Variants in FER observed in about 807,000 individuals in gnomAD.
FER encodes tyrosine-protein kinase Fer.
FER carries 63 observed loss-of-function variants against 111.0 expected under a neutral mutation model. The ratio of observed to expected loss-of-function variants is 0.57; its 90% confidence interval spans 0.46 to 0.70. FER has a LOEUF of 0.70. Among genes scored for constraint, FER ranks in the 30% least tolerant of loss-of-function variants. FER has a pLI of 0.00. For missense variants in FER, 914 were observed against 954.0 expected, an observed-to-expected ratio of 0.96 and a Z score of 0.55; for synonymous variants, 327 against 313.9, an observed-to-expected ratio of 1.04 and a Z score of -0.44.
At chr5:108,943,701 T>A (rs769634411) in intron 10 of FER, among the ~76,000 whole-genome samples, 1 of 151,986 alleles carries the variant, frequency 6.6e-6, no homozygotes, top group African/African-American at 2.4e-5. Flanking sequence ...AATTTAGGTA[T>A]TTTTTTAATA....
intron 8 of FER, among the ~76,000 whole-genome samples, chr5:108,875,215 T>G (rs1433930082): frequency 2.0e-5 from 3 of 152,140 alleles, no homozygotes; most frequent in African/African-American, 7.2e-5. Context: ...TCTTACCATG[T>G]GGTCAAAGGC....
intron 16 of FER, among the ~76,000 whole-genome samples, chr5:109,084,627 C>T (rs956175830): frequency 3.3e-5 from 5 of 151,846 alleles, no homozygotes; most frequent in African/African-American, 1.2e-4. Flanking sequence ...CCATTATCTT[C>T]CCCCTACCCC....
intron 17 of FER, among the ~76,000 whole-genome samples, chr5:109,125,819 G>A (rs115219877): frequency 6.6e-6 from 1 of 152,256 alleles, no homozygotes; most frequent in East Asian, 1.9e-4. Flanking sequence ...TTTAGAATAA[G>A]AACATTCCCA....
intron 17 of FER, among the ~76,000 whole-genome samples, chr5:109,124,582 A>G (rs1244517289): frequency 7.8e-6 from 1 of 128,066 alleles, no homozygotes; most frequent in Non-Finnish European, 1.6e-5. Flanking sequence ...ACATTTTTTA[A>G]TAGTTTTGTT....
intron 2 of FER, among the ~76,000 whole-genome samples, chr5:108,770,399 G>T (rs570054903): frequency 1.3e-5 from 2 of 151,988 alleles, no homozygotes; most frequent in Non-Finnish European, 1.5e-5. Context: ...AAGATTTTTG[G>T]CCAGTCCGAA....
At chr5:108,788,253 G>A (rs1004060881) in intron 2 of FER, among the ~76,000 whole-genome samples, 8 of 152,216 alleles carry the variant, frequency 5.3e-5, no homozygotes, top group African/African-American at 1.9e-4. Flanking sequence ...CTGTGCTGGT[G>A]CCTGCCTGGA....
intron 15 of FER, among the ~76,000 whole-genome samples, chr5:109,045,601 C>T (rs1179886261): frequency 2.6e-5 from 4 of 152,130 alleles, no homozygotes; most frequent in Non-Finnish European, 5.9e-5. Flanking sequence ...GCCCAATGTG[C>T]TAGAAGCCAA....
chr5:108,750,788 G>A (rs539978584), intron 1 of FER, among the ~76,000 whole-genome samples: 1 of 152,322 alleles, frequency 6.6e-6, no homozygotes, highest in South Asian at 2.1e-4. Context: ...AAACAATGCA[G>A]AAGAGTCGAG....
chr5:109,013,725 AC>A (rs1766638675), intron 13 of FER, among the ~76,000 whole-genome samples: 1 of 151,888 alleles, frequency 6.6e-6, no homozygotes, highest in African/African-American at 2.4e-5. Context: ...CTATTTCTCC[AC>A]ATCCTCTCCA....
rs1252971206 is a variant in FER, at chr5:109,190,310, C to A, written c.*2735C>A. The A allele has an allele frequency of 6.6e-6, 1 of 151,938 alleles. No homozygotes were observed. Among genetic ancestry groups the A allele is most frequent in the Non-Finnish European group, 1.5e-5 (1 of 67,958 alleles). 9.4% of individuals were successfully genotyped at this position (151,938 alleles called of 1,614,324 possible). On this transcript the variant is annotated 3_prime_UTR_variant, in exon 20 of 20. Transcript: ENST00000281092. ...GTTGTAACCAAAATTTCTTCTGGTCCGGATGTAATTAGTCCAGTCACAAAT... is the reference window on the plus strand; with the variant it reads ...GTTGTAACCAAAATTTCTTCTGGTCAGGATGTAATTAGTCCAGTCACAAAT...
intron 6 of FER, among the ~76,000 whole-genome samples, chr5:108,870,126 A>C (rs960877117): frequency 3.3e-5 from 5 of 152,082 alleles, no homozygotes; most frequent in Non-Finnish European, 7.4e-5. Flanking sequence ...TTTTTTTGAG[A>C]CATATAATGG....
At chr5:109,138,125 G>T (rs1753111747) in intron 17 of FER, among the ~76,000 whole-genome samples, 1 of 152,168 alleles carries the variant, frequency 6.6e-6, no homozygotes, top group Admixed American at 6.5e-5. Flanking sequence ...AACAAAGCAT[G>T]TACAGGAAAA....
At chr5:109,013,783 G>A (rs1476926778) in intron 13 of FER, among the ~76,000 whole-genome samples, 10 of 149,762 alleles carry the variant, frequency 6.7e-5, no homozygotes, top group South Asian at 2.1e-4. Flanking sequence ...TCTAACTGGT[G>A]TGAGATGGTA....
chr5:109,187,508 C>CAGGT lies in FER; in HGVS notation c.2402_2403insAGGT (p.Glu802GlyfsTer2). 6.2e-7 allele frequency: 1 copy of CAGGT among 1,614,098 alleles called. No homozygotes were observed. Among genetic ancestry groups the CAGGT allele is most frequent in the Non-Finnish European group, 8.5e-7 (1 of 1,179,998 alleles). On this transcript the variant is annotated frameshift_variant, in exon 20 of 20. Coordinates refer to ENST00000281092, the MANE Select transcript of FER (RefSeq NM_005246.4). LOFTEE classifies it high-confidence loss of function. ...ATGATGAAGTGTTGGGATTATAAAC[C>CAGGT]TGAAAATCGCCCTAAGTTCAGTGAA... is the stretch of plus-strand genomic sequence containing the variant.
intron 8 of FER, among the ~76,000 whole-genome samples, chr5:108,877,546 A>G (rs138733866): frequency 1.2e-4 from 18 of 152,360 alleles, no homozygotes; most frequent in African/African-American, 3.6e-4. Flanking sequence ...ATTGTCATCC[A>G]TAAAAATCCT....
At chr5:109,099,646 C>G (rs1356944008) in intron 16 of FER, among the ~76,000 whole-genome samples, 1 of 151,216 alleles carries the variant, frequency 6.6e-6, no homozygotes, top group Non-Finnish European at 1.5e-5. Flanking sequence ...TTCAAGAAAA[C>G]TATATTATTA....
chr5:109,187,145 G>A (rs1262541202), intron 19 of FER, among the ~76,000 whole-genome samples: 1 of 152,168 alleles, frequency 6.6e-6, no homozygotes, highest in Non-Finnish European at 1.5e-5. Flanking sequence ...TTCTGAAAGT[G>A]AATACTTAGA....
At chr5:108,906,005 A>G (rs576666211) in intron 10 of FER, among the ~76,000 whole-genome samples, 5 of 152,190 alleles carry the variant, frequency 3.3e-5, no homozygotes, top group Non-Finnish European at 5.9e-5. Flanking sequence ...AGCCCCAGCT[A>G]TAGAGCCAGA....
intron 3 of FER, among the ~76,000 whole-genome samples, chr5:108,800,600 AC>A (rs369375084): frequency 1.3e-3 from 200 of 152,174 alleles, no homozygotes; most frequent in African/African-American, 4.3e-3. Flanking sequence ...CAATCCTCCC[AC>A]CTTGGCCTCC....
Sources: allele counts gnomAD v4.1 joint callset (sites outside exome capture counted in the v4.1 genomes callset), GRCh38; gene constraint gnomAD v4.1.1; transcripts MANE v1.5; gene names NCBI Gene and HGNC (gene_info 2026-07-23, HGNC 2026-07-21).